The following SAMD5 variants were observed in gnomAD, a reference collection of about 807,000 sequenced individuals.
The protein encoded by SAMD5 is sterile alpha motif domain containing 5.
SAMD5 carries 13 observed loss-of-function variants against 11.3 expected under a neutral mutation model. The observed-to-expected ratio is 1.15, with a 90% CI of 0.75 to 1.83. SAMD5 has a LOEUF of 1.83. Among genes scored for constraint, SAMD5 ranks in the 40% most tolerant of loss-of-function variants. The pLI is 0.00. For missense variants in SAMD5, 255 were observed against 239.1 expected (o/e 1.07, Z -0.44); for synonymous variants, 129 against 111.3 (o/e 1.16, Z -1.00).
At chr6:147,755,314 G>T in the SAMD5 span, among the ~76,000 whole-genome samples, 2 of 151,862 alleles carry the variant, frequency 1.3e-5, no homozygotes, top group Non-Finnish European at 2.9e-5. Flanking sequence ...AATTTTATGC[G>T]TGGCTATAGT....
intron 1 of SAMD5, among the ~76,000 whole-genome samples, chr6:147,548,092 A>T (rs568826257): frequency 6.6e-6 from 1 of 151,220 alleles, no homozygotes; most frequent in African/African-American, 2.5e-5. Context: ...ATCTCATTTA[A>T]TAAGTTCAAC....
chr6:147,765,038 A>C, the SAMD5 span, among the ~76,000 whole-genome samples: 1 of 152,320 alleles, frequency 6.6e-6, no homozygotes, highest in East Asian at 1.9e-4. Context: ...TCTTTGCCCA[A>C]GCTTGTCTGC....
At chr6:147,785,546 C>A in the SAMD5 span, among the ~76,000 whole-genome samples, 1 of 152,194 alleles carries the variant, frequency 6.6e-6, no homozygotes, top group Non-Finnish European at 1.5e-5. Context: ...AGGCATGAAT[C>A]TTCTGGGCCA....
chr6:147,704,962 G>A (rs1362670294), intron 1 of SAMD5, among the ~76,000 whole-genome samples: 1 of 152,182 alleles, frequency 6.6e-6, no homozygotes. Flanking sequence ...TTTGTCACCA[G>A]TAACTATGGC....
At chr6:147,646,816 C>A (rs1790409481) in intron 1 of SAMD5, among the ~76,000 whole-genome samples, 1 of 151,708 alleles carries the variant, frequency 6.6e-6, no homozygotes, top group African/African-American at 2.4e-5. Flanking sequence ...GCTCTTAAAG[C>A]AAGCCAGATA....
intron 1 of SAMD5, among the ~76,000 whole-genome samples, chr6:147,651,965 C>A (rs1332028803): frequency 2.6e-5 from 4 of 152,086 alleles, no homozygotes; most frequent in Non-Finnish European, 5.9e-5. Flanking sequence ...CACCAACCCC[C>A]GCATTCAGCC....
At chr6:147,922,041 T>A in the SAMD5 span, among the ~76,000 whole-genome samples, 1 of 152,220 alleles carries the variant, frequency 6.6e-6, no homozygotes, top group Non-Finnish European at 1.5e-5. Flanking sequence ...ACAAGCATCA[T>A]AACAACTCAA....
At chr6:147,521,199 T>C (rs1459188123) in intron 1 of SAMD5, among the ~76,000 whole-genome samples, 1 of 152,130 alleles carries the variant, frequency 6.6e-6, no homozygotes, top group Non-Finnish European at 1.5e-5. Context: ...TTGAATTACA[T>C]TTCTTAGATT....
intron 1 of SAMD5, among the ~76,000 whole-genome samples, chr6:147,562,313 AT>A (rs1048192927): frequency 2.6e-5 from 4 of 152,372 alleles, no homozygotes; most frequent in Admixed American, 2.0e-4. Flanking sequence ...ATCTTGCATT[AT>A]AATGAGAATG....
the SAMD5 span, among the ~76,000 whole-genome samples, chr6:147,858,013 C>G: frequency 1.6e-4 from 25 of 152,270 alleles, no homozygotes; most frequent in African/African-American, 6.0e-4. Context: ...CTAGGGCAAA[C>G]TTTTCACTCA....
At chr6:147,595,346 C>T (rs1583099683) in intron 1 of SAMD5, among the ~76,000 whole-genome samples, 2 of 152,074 alleles carry the variant, frequency 1.3e-5, no homozygotes, top group South Asian at 4.2e-4. Flanking sequence ...TTATTTACAC[C>T]ATTAGTTTGA....
At chr6:147,870,480 G>GTATA in the SAMD5 span, among the ~76,000 whole-genome samples, 1 of 136,814 alleles carries the variant, frequency 7.3e-6, no homozygotes, top group Non-Finnish European at 1.5e-5. Context: ...GTGTGTGTGT[G>GTATA]TGTATATATA....
intron 1 of SAMD5, among the ~76,000 whole-genome samples, chr6:147,612,588 T>G (rs1434917333): frequency 1.3e-5 from 2 of 152,208 alleles, no homozygotes; most frequent in East Asian, 1.9e-4. Flanking sequence ...CATCTCATAT[T>G]GCTCTCTTTA....
the SAMD5 span, among the ~76,000 whole-genome samples, chr6:147,942,943 A>T: frequency 6.6e-6 from 1 of 151,196 alleles, no homozygotes; most frequent in African/African-American, 2.4e-5. Context: ...GCTCCCAAGT[A>T]GCTGGGATTA....
the SAMD5 span, among the ~76,000 whole-genome samples, chr6:147,867,279 GTTTTTTTTTTTT>G: frequency 8.7e-6 from 1 of 115,396 alleles, no homozygotes; most frequent in East Asian, 2.4e-4. Flanking sequence ...GGTCAAAAAG[GTTTTTTTTTTTT>G]TTTTTTTTTT....
chr6:147,878,603 A>ATCTCTATATGTATACATATC, the SAMD5 span, among the ~76,000 whole-genome samples: 7 of 146,700 alleles, frequency 4.8e-5, no homozygotes, highest in Non-Finnish European at 1.0e-4. Context: ...ATACATATAT[A>ATCTCTATATGTATACATATC]TCTATATAGA....
the SAMD5 span, chr6:147,743,231 G>A: frequency 3.3e-5 from 5 of 152,160 alleles, no homozygotes; most frequent in African/African-American, 4.8e-5. Context: ...AACTAGGCCG[G>A]GCGCAGTGGC....
rs570170383 is a variant in SAMD5, at chr6:147,699,375, A to T, written c.163-37942A>T. On this transcript the variant is annotated intron_variant, in intron 1 of 1. Coordinates refer to the SAMD5 transcript ENST00000566741. ...TGCTTTCTATCTAAAAAGAACCCTG[A>T]GGTTTCCCTTGCCCCACCTACTTGT... 4.6e-5 allele frequency among the ~76,000 whole-genome samples: 7 copies of T among 151,764 alleles called. No homozygotes were observed. The South Asian group carries it at 1.5e-3, about 32-fold the overall frequency.
At chr6:147,820,722 G>T in the SAMD5 span, among the ~76,000 whole-genome samples, 1 of 152,208 alleles carries the variant, frequency 6.6e-6, no homozygotes, top group East Asian at 1.9e-4. Flanking sequence ...CAGTGTTAGA[G>T]ATGTCTGACC....
Sources: allele counts gnomAD v4.1 joint callset (sites outside exome capture counted in the v4.1 genomes callset), GRCh38; gene constraint gnomAD v4.1.1; transcripts MANE v1.5; gene names NCBI Gene and HGNC (gene_info 2026-07-23, HGNC 2026-07-21).